Variants in PDS5B observed in about 807,000 individuals in gnomAD.
The protein encoded by PDS5B is PDS5 cohesin associated factor B, also known as sister chromatid cohesion protein PDS5 homolog B.
In PDS5B, 51 loss-of-function variants were observed where a neutral mutation model predicts 184.1. The observed-to-expected ratio is 0.28, with a 90% CI of 0.22 to 0.35. The LOEUF (loss-of-function observed/expected upper bound fraction) is 0.35. PDS5B is among the 10% of genes least tolerant of loss of function. The probability of loss-of-function intolerance (pLI) is 1.00; values close to 1 mark genes in which losing one functional copy is unlikely to be tolerated. For synonymous variants in PDS5B, 566 were observed against 569.2 expected (o/e 0.99, Z 0.08); for missense variants, 1,180 against 1,723.3 (o/e 0.68, Z 5.58).
intron 1 of PDS5B, among the ~76,000 whole-genome samples, chr13:32,596,111 AG>A (rs1183660130): frequency 6.6e-6 from 1 of 152,210 alleles, no homozygotes; most frequent in Non-Finnish European, 1.5e-5. Context: ...TGCAGATCTT[AG>A]CTGTTCACTT....
chr13:32,728,736 T>A (rs1191220228), intron 19 of PDS5B, among the ~76,000 whole-genome samples: 2 of 152,178 alleles, frequency 1.3e-5, no homozygotes, highest in African/African-American at 2.4e-5. Context: ...AGGGATCACA[T>A]TTCTCTGCTA....
At position 32,621,837 on chromosome 13, in the gene PDS5B, A is replaced by G. The variant is rs143150498; in HGVS notation, c.-19-26917A>G. On this transcript the variant is annotated intron_variant, in intron 1 of 34. Transcript: ENST00000315596. ...TTGTCTGGTTGCTTTAGTGCTATAA[A>G]TGCAGAGATGAGTAGTTATGACAGA... is the stretch of plus-strand genomic sequence containing the variant. Among the ~76,000 whole-genome samples the G allele has an allele frequency of 1.8e-4, 27 of 152,326 alleles. 1 individual carries two copies. The highest frequency in any genetic ancestry group is 6.3e-4 in the African/African-American group (26 of 41,570).
At chr13:32,728,460 C>G (rs1045259482) in intron 19 of PDS5B, among the ~76,000 whole-genome samples, 5 of 127,326 alleles carry the variant, frequency 3.9e-5, no homozygotes, top group African/African-American at 1.4e-4. Flanking sequence ...TTCCTCCTAA[C>G]ACGATTGAGG....
chr13:32,753,277 G>A, intron 24 of PDS5B, 55 bp from the exon 25 acceptor site: 1 of 1,419,848 alleles, frequency 7.0e-7, no homozygotes, highest in Non-Finnish European at 9.9e-7. Flanking sequence ...TATATCTGAA[G>A]TTGTTACTCT....
At chr13:32,742,509 C>T in intron 22 of PDS5B, 82 bp from the exon 23 acceptor site, 5 of 1,138,020 alleles carry the variant, frequency 4.4e-6, no homozygotes, top group East Asian at 2.5e-5. Flanking sequence ...CCATTAAATA[C>T]ATTTTATTTT....
chr13:32,643,965 C>A (rs1239343673), intron 1 of PDS5B, among the ~76,000 whole-genome samples: 2 of 152,132 alleles, frequency 1.3e-5, no homozygotes, highest in Non-Finnish European at 2.9e-5. Context: ...TTGGCATCTT[C>A]TGTGTAGATA....
intron 19 of PDS5B, among the ~76,000 whole-genome samples, chr13:32,726,924 T>C (rs948293369): frequency 6.6e-6 from 1 of 152,174 alleles, no homozygotes; most frequent in Non-Finnish European, 1.5e-5. Context: ...AGAAAAAGTT[T>C]ATTTATTTAT....
chr13:32,622,939 G>A (rs1470657001), intron 1 of PDS5B, among the ~76,000 whole-genome samples: 3 of 152,200 alleles, frequency 2.0e-5, no homozygotes, highest in Admixed American at 2.0e-4. Flanking sequence ...CTGAGTCAGG[G>A]GAATGGGAGA....
chr13:32,616,548 TTGCTATTA>T (rs1383821129), intron 1 of PDS5B, among the ~76,000 whole-genome samples: 1 of 152,216 alleles, frequency 6.6e-6, no homozygotes, highest in Non-Finnish European at 1.5e-5. Flanking sequence ...TTTCAGTATT[TTGCTATTA>T]TGCCTATGTC....
At position 32,626,073 on chromosome 13, in the gene PDS5B, C is replaced by T. The variant is rs118071397; in HGVS notation, c.-19-22681C>T. Among the ~76,000 whole-genome samples, 40 of 152,200 alleles carry T rather than the reference C, an allele frequency of 2.6e-4. No individual in the cohort carries two copies. In the East Asian group the frequency reaches 7.1e-3, roughly 27 times the overall value. ...CAGTCTGGTCTTGAACTCCTGACCC[C>T]GAGTGATCTATCTGCCTCGGCCTCC... is the stretch of plus-strand genomic sequence containing the variant. On this transcript the variant is annotated intron_variant, in intron 1 of 34. Coordinates refer to ENST00000315596, the MANE Select transcript of PDS5B (RefSeq NM_015032.4).
intron 20 of PDS5B, among the ~76,000 whole-genome samples, chr13:32,734,690 A>G (rs1347811242): frequency 6.6e-6 from 1 of 152,140 alleles, no homozygotes; most frequent in Non-Finnish European, 1.5e-5. Context: ...CATATTGCTC[A>G]TACCTACCTC....
intron 7 of PDS5B, among the ~76,000 whole-genome samples, 199 bp downstream of exon 7, chr13:32,668,043 A>G (rs747077048): frequency 2.0e-5 from 3 of 152,090 alleles, no homozygotes; most frequent in Non-Finnish European, 2.9e-5. Flanking sequence ...CTCTCATCCT[A>G]TTTGTTCTTT....
At chr13:32,635,168 AC>A (rs1317955840) in intron 1 of PDS5B, among the ~76,000 whole-genome samples, 2 of 87,574 alleles carry the variant, frequency 2.3e-5, no homozygotes, top group Non-Finnish European at 4.5e-5. Flanking sequence ...CCAGCCAATT[AC>A]GTTTTTTTTT....
intron 6 of PDS5B, among the ~76,000 whole-genome samples, chr13:32,661,367 CAG>C (rs1459835807): frequency 9.5e-6 from 1 of 105,698 alleles, no homozygotes; most frequent in African/African-American, 3.8e-5. Context: ...GCCTGGGTGA[CAG>C]AGTGAGACTC....
intron 1 of PDS5B, among the ~76,000 whole-genome samples, chr13:32,648,488 CTATTAT>C (rs887487834): frequency 1.1e-4 from 16 of 151,826 alleles, no homozygotes; most frequent in African/African-American, 3.1e-4. Context: ...CTCTAGCTTA[CTATTAT>C]TATTATTATT....
intron 1 of PDS5B, among the ~76,000 whole-genome samples, chr13:32,628,613 T>G (rs889589099): frequency 1.4e-4 from 22 of 152,088 alleles, no homozygotes; most frequent in Non-Finnish European, 2.8e-4. Context: ...GATTTTTTTT[T>G]GGTGTTTTTT....
chr13:32,769,006 G>T lies in PDS5B; in HGVS notation c.3625-1115G>T, dbSNP rs139908271. Among the ~76,000 whole-genome samples the T allele has an allele frequency of 1.7e-3, 257 of 149,742 alleles. 3 individuals carry two copies. Among genetic ancestry groups the T allele is most frequent in the Admixed American group, 7.9e-3 (119 of 15,002 alleles). On this transcript the variant is annotated intron_variant, in intron 31 of 34. Coordinates refer to ENST00000315596, the MANE Select transcript of PDS5B (RefSeq NM_015032.4). ...GTGGTTGCAGACACCTGTAGTCCCA[G>T]CTACTCGGGAGAAGGCTGAGACAGG... is the stretch of plus-strand genomic sequence containing the variant.
intron 34 of PDS5B, among the ~76,000 whole-genome samples, chr13:32,774,816 C>T (rs1331698873): frequency 6.6e-6 from 1 of 151,996 alleles, no homozygotes; most frequent in African/African-American, 2.4e-5. Flanking sequence ...CTGGGGAAGT[C>T]TGTGAGCCTG....
chr13:32,638,026 T>C (rs1216026467), intron 1 of PDS5B, among the ~76,000 whole-genome samples: 1 of 152,240 alleles, frequency 6.6e-6, no homozygotes, highest in Admixed American at 6.5e-5. Context: ...CTTATGCATC[T>C]ACAGATATGC....
Sources: allele counts gnomAD v4.1 joint callset (sites outside exome capture counted in the v4.1 genomes callset), GRCh38; gene constraint gnomAD v4.1.1; transcripts MANE v1.5; gene names NCBI Gene and HGNC (gene_info 2026-07-23, HGNC 2026-07-21).